TXNL4A: variants seen among roughly 807,000 people sequenced by gnomAD.
The protein encoded by TXNL4A is thioredoxin like 4A.
A neutral mutation model predicts 14.6 loss-of-function variants in TXNL4A; 17 were observed. The ratio of observed to expected loss-of-function variants is 1.16; its 90% CI spans 0.80 to 1.74. The LOEUF is 1.74. Among genes scored for constraint, TXNL4A ranks in the 40% most tolerant of loss-of-function variants. The probability of loss-of-function intolerance (pLI) is 0.00; values close to 1 mark genes in which losing one functional copy is unlikely to be tolerated. For synonymous variants in TXNL4A, 83 were observed against 70.6 expected, an observed-to-expected ratio of 1.18 and a Z score of -0.88; for missense variants, 74 against 195.2, an observed-to-expected ratio of 0.38 and a Z score of 3.70.
At chr18:80,024,215 G>C (rs2051869267) in intron 1 of TXNL4A, among the ~76,000 whole-genome samples, 1 of 152,082 alleles carries the variant, frequency 6.6e-6, no homozygotes, top group Non-Finnish European at 1.5e-5. Context: ...CTTTTTGTGG[G>C]AGTTTTTCCA....
chr18:79,973,550 G>A lies in TXNL4A; in HGVS notation c.*135C>T, dbSNP rs2051332297. ...GTGCTTGTTTATTTCGGTGAGTTAA[G>A]ACCATGTTATCAATTCCATCTCAGA... On this transcript the variant is annotated 3_prime_UTR_variant, in exon 3 of 3. Transcript: ENST00000269601. 8.6e-7 allele frequency: 1 copy of A among 1,164,424 alleles called. No individual in the cohort carries two copies. Among genetic ancestry groups the A allele is most frequent in the African/African-American group, 1.5e-5 (1 of 64,572 alleles). The allele number at this position is 1,164,424 out of a possible 1,614,324, so 72.1% of individuals were successfully genotyped here.
intron 1 of TXNL4A, among the ~76,000 whole-genome samples, chr18:80,003,531 G>T (rs2051710683): frequency 6.6e-6 from 1 of 152,124 alleles, no homozygotes; most frequent in Non-Finnish European, 1.5e-5. Context: ...TGTCTCTTCA[G>T]TTATAATTTT....
At chr18:80,013,004 A>G (rs2051781097) in intron 1 of TXNL4A, among the ~76,000 whole-genome samples, 1 of 152,022 alleles carries the variant, frequency 6.6e-6, no homozygotes, top group Non-Finnish European at 1.5e-5. Context: ...GGGGTTTCGT[A>G]CATAGCAGAG....
intron 1 of TXNL4A, among the ~76,000 whole-genome samples, chr18:80,022,227 G>A (rs2051854298): frequency 6.6e-6 from 1 of 152,096 alleles, no homozygotes; most frequent in Non-Finnish European, 1.5e-5. Context: ...TTTCTTGAGG[G>A]GCACTACCAG....
At chr18:80,014,940 A>G (rs2051796898) in intron 1 of TXNL4A, among the ~76,000 whole-genome samples, 1 of 152,220 alleles carries the variant, frequency 6.6e-6, no homozygotes, top group Non-Finnish European at 1.5e-5. Flanking sequence ...GCTCAACACC[A>G]CATGGAAACT....
intron 1 of TXNL4A, among the ~76,000 whole-genome samples, chr18:80,016,230 T>C (rs1350665489): frequency 6.6e-6 from 1 of 152,184 alleles, no homozygotes; most frequent in Non-Finnish European, 1.5e-5. Context: ...TCTTGTAAAT[T>C]TGTTTGAGTT....
chr18:80,003,903 C>T (rs2051712855), intron 1 of TXNL4A, among the ~76,000 whole-genome samples: 1 of 152,152 alleles, frequency 6.6e-6, no homozygotes, highest in Non-Finnish European at 1.5e-5. Context: ...GTGAGACTCA[C>T]TCACTATCAC....
At chr18:79,989,357 G>A (rs1462671106), upstream of TXNL4A, among the ~76,000 whole-genome samples, 1 of 151,806 alleles carries the variant, frequency 6.6e-6, no homozygotes, top group Non-Finnish European at 1.5e-5. Context: ...TGATCTGCCC[G>A]CCTCGGCCTC....
intron 1 of TXNL4A, 90 bp downstream of exon 1, chr18:79,988,150 A>G (rs2051583422): frequency 7.6e-7 from 1 of 1,310,774 alleles, no homozygotes; most frequent in East Asian, 3.0e-5. Context: ...CTCGGGGAAC[A>G]GCTCGCGCCC....
chr18:80,014,269 A>G (rs1174482187), intron 1 of TXNL4A, among the ~76,000 whole-genome samples: 1 of 152,162 alleles, frequency 6.6e-6, no homozygotes, highest in African/African-American at 2.4e-5. Context: ...TTACCCCAAA[A>G]GTCCATAGTC....
chr18:79,979,432 G>A (rs978866847), intron 1 of TXNL4A: 36 of 152,190 alleles, frequency 2.4e-4, no homozygotes, highest in African/African-American at 7.0e-4. Context: ...ACTGGATCAT[G>A]GGATGAATTT....
chr18:80,028,984 A>G (rs2051903354), intron 1 of TXNL4A, among the ~76,000 whole-genome samples: 1 of 152,238 alleles, frequency 6.6e-6, no homozygotes, highest in Admixed American at 6.5e-5. Context: ...GCAGCACCCG[A>G]GCCACCAGCC....
At chr18:79,979,523 G>T in intron 1 of TXNL4A, 1 of 152,524 alleles carries the variant, frequency 6.6e-6, no homozygotes, top group South Asian at 2.0e-4. Context: ...GTGACACTCC[G>T]CCCCAGCTTT....
At chr18:80,028,292 T>TC (rs1177059535) in intron 1 of TXNL4A, among the ~76,000 whole-genome samples, 48 of 148,876 alleles carry the variant, frequency 3.2e-4, no homozygotes, top group Non-Finnish European at 4.5e-4. Context: ...AAGTATGGGT[T>TC]CCCCCCTTAC....
rs184181105 is a variant in TXNL4A, at chr18:79,997,095, T to C, written c.-60-19394A>G. ...AATAAAGAGCAGAAAACAGTAAAAC[T>C]CCTTTTAGCTTCCCCAGTCTTCCTG... On this transcript the variant is annotated intron_variant, in intron 1 of 2. Coordinates refer to the TXNL4A transcript ENST00000585474. 5.9e-5 allele frequency among the ~76,000 whole-genome samples: 9 copies of C among 152,220 alleles called. No individual in the cohort carries two copies. In the East Asian group the frequency reaches 1.7e-3, roughly 29 times the overall value.
chr18:79,981,967 T>C (rs1388284064), intron 1 of TXNL4A, among the ~76,000 whole-genome samples: 1 of 152,144 alleles, frequency 6.6e-6, no homozygotes, highest in African/African-American at 2.4e-5. Context: ...TTTTAGGTGA[T>C]GGAATTCAGG....
At chr18:79,988,075 G>A (rs1031386751) in intron 1 of TXNL4A, among the ~76,000 whole-genome samples, 165 bp downstream of exon 1, 6 of 152,276 alleles carry the variant, frequency 3.9e-5, no homozygotes, top group Non-Finnish European at 8.8e-5. Flanking sequence ...CGCCGGCACA[G>A]TCCCCGAGAG....
chr18:79,976,994 C>T (rs1401934736), intron 2 of TXNL4A, among the ~76,000 whole-genome samples: 2 of 151,406 alleles, frequency 1.3e-5, no homozygotes, highest in African/African-American at 4.9e-5. Flanking sequence ...GAGTTTTGCT[C>T]TTGTTGCCTA....
chr18:80,002,866 C>G (rs1267453618), intron 1 of TXNL4A, among the ~76,000 whole-genome samples: 2 of 152,212 alleles, frequency 1.3e-5, no homozygotes, highest in Non-Finnish European at 2.9e-5. Flanking sequence ...CACTGTGGTG[C>G]CAAAAACCTG....
Sources: gnomAD v4.1 joint callset for allele counts (sites outside exome capture counted in the v4.1 genomes callset) on GRCh38, gnomAD v4.1.1 for gene constraint, MANE v1.5 for transcripts, NCBI Gene and HGNC (gene_info 2026-07-23, HGNC 2026-07-21) for gene names.